The following CCSER1 variants were observed in gnomAD, a reference collection of about 807,000 sequenced individuals.
CCSER1 encodes the protein serine-rich coiled-coil domain-containing protein 1.
In CCSER1, 41 loss-of-function variants were observed where a neutral mutation model predicts 82.0. The observed-to-expected ratio is 0.50, with a 90% CI of 0.39 to 0.65. CCSER1 has a LOEUF of 0.65. Ranked by LOEUF, CCSER1 falls within the 30% of genes least tolerant of loss-of-function variation. CCSER1 has a pLI of 0.00. For missense variants in CCSER1, 1,119 were observed against 1,064.2 expected, an observed-to-expected ratio of 1.05 and a Z score of -0.72; for synonymous variants, 414 against 383.9, an observed-to-expected ratio of 1.08 and a Z score of -0.92.
chr4:91,492,633 A>G (rs1758608853), intron 10 of CCSER1, among the ~76,000 whole-genome samples: 1 of 152,130 alleles, frequency 6.6e-6, no homozygotes, highest in Non-Finnish European at 1.5e-5. Flanking sequence ...TATAAGAAGC[A>G]GCACATTATT....
chr4:91,042,227 G>A (rs1394905096), intron 9 of CCSER1, among the ~76,000 whole-genome samples: 1 of 152,154 alleles, frequency 6.6e-6, no homozygotes, highest in Non-Finnish European at 1.5e-5. Context: ...TAGCAAGTGA[G>A]TTCTCACGAG....
At chr4:90,544,772 A>C (rs941269428) in intron 5 of CCSER1, among the ~76,000 whole-genome samples, 1 of 152,094 alleles carries the variant, frequency 6.6e-6, no homozygotes, top group African/African-American at 2.4e-5. Context: ...CACTCCCATA[A>C]GTGCCTTTTA....
At chr4:91,367,217 T>G (rs2149319280) in intron 10 of CCSER1, among the ~76,000 whole-genome samples, 1 of 145,176 alleles carries the variant, frequency 6.9e-6, no homozygotes. Flanking sequence ...CTTGGGGGGC[T>G]GAGGTGGGAG....
intron 1 of CCSER1, among the ~76,000 whole-genome samples, chr4:90,202,131 CTT>C (rs1737822712): frequency 6.6e-6 from 1 of 151,782 alleles, no homozygotes; most frequent in Non-Finnish European, 1.5e-5. Flanking sequence ...AAAACTAACT[CTT>C]TTTGGTGATT....
intron 10 of CCSER1, among the ~76,000 whole-genome samples, chr4:91,441,937 G>A (rs928739274): frequency 5.9e-5 from 9 of 152,198 alleles, no homozygotes; most frequent in African/African-American, 2.2e-4. Flanking sequence ...CCTCTTCAAG[G>A]AGAACTACAA....
chr4:90,343,552 G>T (rs1274550054), intron 3 of CCSER1, among the ~76,000 whole-genome samples: 3 of 152,146 alleles, frequency 2.0e-5, no homozygotes, highest in African/African-American at 7.2e-5. Flanking sequence ...GGGAGACGGA[G>T]GTTGCAGTGA....
intron 10 of CCSER1, among the ~76,000 whole-genome samples, chr4:91,269,497 G>A (rs1489247749): frequency 1.3e-5 from 2 of 152,036 alleles, no homozygotes; most frequent in Non-Finnish European, 2.9e-5. Context: ...CCACCAAAAT[G>A]CATTAAAGAA....
At chr4:91,137,979 A>G (rs1728651379) in intron 10 of CCSER1, among the ~76,000 whole-genome samples, 1 of 104,138 alleles carries the variant, frequency 9.6e-6, no homozygotes, top group Non-Finnish European at 2.2e-5. Flanking sequence ...ATGGGTAGGA[A>G]GAATCAATAT....
chr4:90,834,553 G>C (rs968837162), intron 8 of CCSER1, among the ~76,000 whole-genome samples: 2 of 152,122 alleles, frequency 1.3e-5, no homozygotes, highest in Non-Finnish European at 1.5e-5. Context: ...ATTAAGAACT[G>C]TGTCTATATT....
intron 10 of CCSER1, among the ~76,000 whole-genome samples, chr4:91,186,552 G>A (rs559609902): frequency 6.6e-6 from 1 of 152,240 alleles, no homozygotes; most frequent in Non-Finnish European, 1.5e-5. Flanking sequence ...CTAACTCAGC[G>A]GCGCTAGAGG....
At chr4:90,871,977 G>T (rs1766570981) in intron 8 of CCSER1, among the ~76,000 whole-genome samples, 4 of 151,362 alleles carry the variant, frequency 2.6e-5, no homozygotes, top group Non-Finnish European at 3.0e-5. Flanking sequence ...GATGTACATA[G>T]AGCTACTCCT....
chr4:91,349,559 T>C (rs6841781), intron 10 of CCSER1, among the ~76,000 whole-genome samples: 113,737 of 151,966 alleles, frequency 0.75, 43,500 homozygotes, highest in African/African-American at 0.91. Context: ...CTGGAGGGGG[T>C]TAACGTTGTA....
chr4:90,355,538 T>C (rs1013446026), intron 3 of CCSER1, among the ~76,000 whole-genome samples: 1 of 151,892 alleles, frequency 6.6e-6, no homozygotes, highest in African/African-American at 2.4e-5. Context: ...TATCAGAAAA[T>C]CCATGTTTGG....
intron 5 of CCSER1, among the ~76,000 whole-genome samples, chr4:90,578,215 GGT>G (rs1448943133): frequency 6.6e-6 from 1 of 151,996 alleles, no homozygotes; most frequent in Non-Finnish European, 1.5e-5. Flanking sequence ...TGATTTAATG[GGT>G]TAAAACAATG....
rs571949555 is a variant in CCSER1 at position 91,006,559 on chromosome 4, G to A, written c.2173-79391G>A. On this transcript the variant is annotated intron_variant, in intron 9 of 10. Transcript: ENST00000509176. Reference sequence around the variant, plus strand: ...GGATGGAGTGCAGTGGCGTGATCTCGGCTCACTGCAAGCTCTGCCTCCCAG... The same window carrying A: ...GGATGGAGTGCAGTGGCGTGATCTCAGCTCACTGCAAGCTCTGCCTCCCAG... Among the ~76,000 whole-genome samples, 20 of 150,140 alleles carry A rather than the reference G, an allele frequency of 1.3e-4. No individual in the cohort carries two copies. The East Asian group carries it at 3.1e-3, about 24-fold the overall frequency.
At chr4:91,196,006 G>T (rs1735380189) in intron 10 of CCSER1, among the ~76,000 whole-genome samples, 1 of 151,948 alleles carries the variant, frequency 6.6e-6, no homozygotes, top group South Asian at 2.1e-4. Context: ...GCGTGACACG[G>T]TGAAACCCCG....
At chr4:90,929,418 A>T (rs1445282795) in intron 9 of CCSER1, among the ~76,000 whole-genome samples, 1 of 152,222 alleles carries the variant, frequency 6.6e-6, no homozygotes, top group Non-Finnish European at 1.5e-5. Flanking sequence ...AGAATGAAGT[A>T]TTAAACTCAA....
chr4:90,623,250 G>A (rs1050415240), intron 5 of CCSER1, among the ~76,000 whole-genome samples: 1 of 151,874 alleles, frequency 6.6e-6, no homozygotes, highest in Non-Finnish European at 1.5e-5. Context: ...TAACCTGGAT[G>A]GTCTCGATCT....
intron 3 of CCSER1, chr4:90,325,529 C>A (rs181839089): frequency 8.3e-6 from 2 of 241,652 alleles, no homozygotes; most frequent in South Asian, 4.3e-5. Flanking sequence ...TGCTTTGTTC[C>A]TTATTTAGCT....
Sources: gnomAD v4.1 joint callset for allele counts (sites outside exome capture counted in the v4.1 genomes callset) on GRCh38, gnomAD v4.1.1 for gene constraint, MANE v1.5 for transcripts, NCBI Gene and HGNC (gene_info 2026-07-23, HGNC 2026-07-21) for gene names.